The following ADGRL2 variants were observed in gnomAD, a reference collection of about 807,000 sequenced individuals.
ADGRL2 encodes the protein calcium-independent alpha-latrotoxin receptor 2.
ADGRL2 carries 44 observed loss-of-function variants against 157.4 expected under a neutral mutation model. The observed-to-expected ratio is 0.28, with a 90% CI of 0.22 to 0.36. The LOEUF (loss-of-function observed/expected upper bound fraction) is 0.36. Ranked by LOEUF, ADGRL2 falls within the 10% of genes least tolerant of loss-of-function variation. The probability of loss-of-function intolerance (pLI) is 1.00; values close to 1 mark genes in which losing one functional copy is unlikely to be tolerated. For synonymous variants in ADGRL2, 585 were observed against 624.7 expected (o/e 0.94, Z 0.95); for missense variants, 1,510 against 1,768.9 (o/e 0.85, Z 2.63).
At chr1:81,640,632 A>AAAACAAAT (rs1553133900) in intron 3 of ADGRL2, among the ~76,000 whole-genome samples, 1 of 139,584 alleles carries the variant, frequency 7.2e-6, no homozygotes, top group Admixed American at 7.3e-5. Flanking sequence ...CTCCATCTCA[A>AAAACAAAT]AAATAAATAA....
At chr1:81,354,085 A>G (rs1663107246) in intron 1 of ADGRL2, among the ~76,000 whole-genome samples, 1 of 152,206 alleles carries the variant, frequency 6.6e-6, no homozygotes, top group African/African-American at 2.4e-5. Context: ...GGGTGGCAAT[A>G]AACAGCATAG....
At chr1:81,314,576 C>G (rs1423519766) in intron 1 of ADGRL2, among the ~76,000 whole-genome samples, 1 of 152,164 alleles carries the variant, frequency 6.6e-6, no homozygotes, top group Non-Finnish European at 1.5e-5. Context: ...TCATCCAATT[C>G]TCAACACAAA....
intron 3 of ADGRL2, among the ~76,000 whole-genome samples, chr1:81,925,058 A>G (rs372112442): frequency 1.8e-4 from 28 of 152,148 alleles, no homozygotes; most frequent in African/African-American, 6.3e-4. Flanking sequence ...TATACTCTCT[A>G]TAAGTAGATG....
At chr1:81,933,628 A>G (rs2095267120) in intron 3 of ADGRL2, among the ~76,000 whole-genome samples, 1 of 152,184 alleles carries the variant, frequency 6.6e-6, no homozygotes, top group African/African-American at 2.4e-5. Context: ...ACACTTTTAT[A>G]ATCTTATCAA....
intron 21 of ADGRL2, among the ~76,000 whole-genome samples, chr1:81,986,120 A>G (rs539254720): frequency 6.6e-6 from 1 of 152,134 alleles, no homozygotes; most frequent in Non-Finnish European, 1.5e-5. Flanking sequence ...TATCCAAATT[A>G]CATTAGCTAT....
intron 3 of ADGRL2, among the ~76,000 whole-genome samples, chr1:81,935,814 T>G (rs2095302975): frequency 6.6e-6 from 1 of 151,938 alleles, no homozygotes; most frequent in East Asian, 1.9e-4. Flanking sequence ...AAAGACCTTT[T>G]GGACAAATTC....
chr1:81,328,639 G>A (rs138973407), intron 1 of ADGRL2, among the ~76,000 whole-genome samples: 207 of 152,192 alleles, frequency 1.4e-3, no homozygotes, highest in African/African-American at 4.7e-3. Flanking sequence ...GAGATAAACA[G>A]TGCATCTTTC....
At chr1:81,567,983 A>C (rs906590007) in intron 2 of ADGRL2, among the ~76,000 whole-genome samples, 1 of 152,086 alleles carries the variant, frequency 6.6e-6, no homozygotes, top group Non-Finnish European at 1.5e-5. Context: ...GCATTACTGT[A>C]ATACTTTTTT....
chr1:81,574,802 G>A (rs2080765166), intron 2 of ADGRL2, among the ~76,000 whole-genome samples: 1 of 152,096 alleles, frequency 6.6e-6, no homozygotes, highest in African/African-American at 2.4e-5. Flanking sequence ...GGGAAAGCAG[G>A]ACAAACTTGA....
intron 2 of ADGRL2, among the ~76,000 whole-genome samples, chr1:81,564,651 A>G (rs2080518339): frequency 6.6e-6 from 1 of 152,118 alleles, no homozygotes; most frequent in Non-Finnish European, 1.5e-5. Context: ...GTGACATCTC[A>G]TCTCTTGCCA....
chr1:81,775,055 A>G (rs1433051068), intron 2 of ADGRL2, among the ~76,000 whole-genome samples: 1 of 152,186 alleles, frequency 6.6e-6, no homozygotes, highest in East Asian at 1.9e-4. Flanking sequence ...GTGGCCTAAC[A>G]CTATTCATAT....
chr1:81,843,801 A>G (rs1375544071), intron 2 of ADGRL2, among the ~76,000 whole-genome samples: 1 of 152,200 alleles, frequency 6.6e-6, no homozygotes, highest in Non-Finnish European at 1.5e-5. Flanking sequence ...TTAGTGTCAG[A>G]ATATGCCATG....
At chr1:81,874,635 T>C (rs1688650) in intron 2 of ADGRL2, among the ~76,000 whole-genome samples, 5,474 of 112,708 alleles carry the variant, frequency 0.049, 119 homozygotes, top group South Asian at 0.059. Flanking sequence ...TTGTCTTGTC[T>C]TGTCCTGTCC....
intron 23 of ADGRL2, 99 bp downstream of exon 23, chr1:81,987,985 ACT>A (rs1572539202): frequency 7.7e-6 from 2 of 260,536 alleles, no homozygotes; most frequent in East Asian, 2.8e-4. Context: ...CATGAAGTAG[ACT>A]CAGCGGGCAA....
intron 1 of ADGRL2, among the ~76,000 whole-genome samples, chr1:81,346,763 T>A (rs114010036): frequency 0.027 from 4,091 of 152,316 alleles, 91 homozygotes; most frequent in Middle Eastern, 0.092. Context: ...CCTCTAGAAC[T>A]ATGAGAAATA....
chr1:81,366,416 A>G (rs2076067950), intron 1 of ADGRL2, among the ~76,000 whole-genome samples: 1 of 152,180 alleles, frequency 6.6e-6, no homozygotes, highest in Non-Finnish European at 1.5e-5. Context: ...CTACAAAACC[A>G]CTGTAGCCAG....
At chr1:81,536,759 T>C (rs1410718043) in intron 2 of ADGRL2, among the ~76,000 whole-genome samples, 1 of 152,222 alleles carries the variant, frequency 6.6e-6, no homozygotes, top group Non-Finnish European at 1.5e-5. Context: ...ATTGGTCTGT[T>C]CTATAAATAA....
intron 1 of ADGRL2, among the ~76,000 whole-genome samples, chr1:81,403,230 T>TG (rs1488106261): frequency 2.1e-5 from 1 of 48,342 alleles, no homozygotes; most frequent in Non-Finnish European, 7.0e-5. Flanking sequence ...TTTTCCTTGT[T>TG]TTTTTTTTGT....
At chr1:81,383,825 A>AAAAAAAG (rs773227675) in intron 1 of ADGRL2, among the ~76,000 whole-genome samples, 1 of 143,914 alleles carries the variant, frequency 6.9e-6, no homozygotes, top group Non-Finnish European at 1.5e-5. Flanking sequence ...AAAAAAAAAA[A>AAAAAAAG]AGAGAGCCGG....
Sources: allele counts gnomAD v4.1 joint callset (sites outside exome capture counted in the v4.1 genomes callset), GRCh38; gene constraint gnomAD v4.1.1; transcripts MANE v1.5; gene names NCBI Gene and HGNC (gene_info 2026-07-23, HGNC 2026-07-21).